Variants in LPA observed in about 807,000 individuals in gnomAD.
LPA encodes apolipoprotein(a).
Under a neutral mutation model 197.9 loss-of-function variants are expected in LPA, and 199 were observed. The observed-to-expected ratio is 1.01, with a 90% CI of 0.90 to 1.13. The LOEUF (loss-of-function observed/expected upper bound fraction) is 1.13, where lower values mean the gene tolerates loss of function less well. Among genes scored for constraint, LPA ranks in the 50% most tolerant of loss-of-function variants. LPA has a pLI of 0.00. For missense variants in LPA, 1,853 were observed against 1,785.8 expected (o/e 1.04, Z -0.68); for synonymous variants, 715 against 639.5 (o/e 1.12, Z -1.78).
intron 7 of LPA, among the ~76,000 whole-genome samples, chr6:160,634,804 G>T (rs1317792764): frequency 6.6e-6 from 1 of 150,464 alleles, no homozygotes; most frequent in East Asian, 1.9e-4. Flanking sequence ...GCGACAGAAA[G>T]AATCACACAC....
chr6:160,598,712 C>A (rs1779178116), intron 20 of LPA, among the ~76,000 whole-genome samples: 2 of 152,188 alleles, frequency 1.3e-5, no homozygotes, highest in Admixed American at 1.3e-4. Context: ...TCTGGGCAGA[C>A]CGTATCTCTT....
intron 20 of LPA, among the ~76,000 whole-genome samples, chr6:160,598,557 G>T (rs1207793928): frequency 6.6e-6 from 1 of 152,172 alleles, no homozygotes; most frequent in African/African-American, 2.4e-5. Flanking sequence ...AAACCGTTTT[G>T]CCGTGTCTTT....
chr6:160,608,842 T>TGTGA (rs1491162599), intron 16 of LPA, among the ~76,000 whole-genome samples: 1 of 151,250 alleles, frequency 6.6e-6, no homozygotes, highest in Non-Finnish European at 1.5e-5. Flanking sequence ...TGTGTGTGTG[T>TGTGA]GAACTTGTGA....
chr6:160,663,593 T>C (rs964245227), intron 1 of LPA, among the ~76,000 whole-genome samples: 2 of 152,212 alleles, frequency 1.3e-5, no homozygotes, highest in Non-Finnish European at 2.9e-5. Context: ...CCTGAGTATT[T>C]GTTGAATCAT....
Position 160,531,953 on chromosome 6 carries a change from C to T in LPA, c.5962-63G>A, listed in dbSNP as rs1289371513. 13 of 1,547,170 alleles carry T rather than the reference C, an allele frequency of 8.4e-6. No individual in the cohort carries two copies. The East Asian group carries it at 9.0e-5, about 11-fold the overall frequency. ...GCTGCCAACCTTTTAATATGGGATG[C>T]CATCCTTCTCTTATCCATATGTACA... On this transcript the variant is annotated intron_variant, in intron 38 of 38. Transcript: ENST00000316300.
intron 2 of LPA, among the ~76,000 whole-genome samples, chr6:160,647,219 G>A (rs1336161335): frequency 2.0e-5 from 3 of 152,196 alleles, no homozygotes; most frequent in Non-Finnish European, 4.4e-5. Context: ...ATGGCAGGAA[G>A]ACTAAGAGAT....
chr6:160,605,473 A>G (rs899910090), intron 17 of LPA, among the ~76,000 whole-genome samples: 4 of 152,218 alleles, frequency 2.6e-5, no homozygotes, highest in Admixed American at 2.6e-4. Flanking sequence ...AAGCTTAGAA[A>G]AAAAGGACAA....
chr6:160,578,798 A>G, intron 26 of LPA, 94 bp from the exon 27 acceptor site: 1 of 1,575,274 alleles, frequency 6.3e-7, no homozygotes, highest in Non-Finnish European at 8.7e-7. Flanking sequence ...AAGTGTTAAC[A>G]AGTGCCTTTG....
intron 28 of LPA, among the ~76,000 whole-genome samples, chr6:160,566,725 G>A (rs1030507406): frequency 1.3e-5 from 2 of 152,186 alleles, no homozygotes; most frequent in African/African-American, 2.4e-5. Flanking sequence ...AGATCCATCA[G>A]TGTGCTGTAT....
At position 160,540,148 on chromosome 6, in the gene LPA, C is replaced by T. The variant is rs763417427; in HGVS notation, c.5630G>A (p.Gly1877Asp). 12 of 1,613,912 alleles carry T rather than the reference C, an allele frequency of 7.4e-6. No homozygotes were observed. The highest frequency in any genetic ancestry group is 1.1e-5 in the South Asian group (1 of 91,064). Residue 1877 changes from glycine to aspartate, a missense_variant, in exon 36 of 39, where the codon GGT becomes GAT. By Grantham distance (94) the Gly-to-Asp change is moderately conservative (BLOSUM62 -1). Transcript: ENST00000316300. The stretch of plus-strand genomic sequence containing the variant: ...TTCGAGGTTCACTTCTTGGTGTGCA[C>T]CCAGGATGACCTTGTAGGATGAAGG... ...SRPSSYKVIL[G>D]AHQEVNLESH...
chr6:160,606,714 C>T (rs1235290711), intron 16 of LPA, 56 bp from the exon 17 acceptor site: 17 of 1,590,032 alleles, frequency 1.1e-5, no homozygotes, highest in Non-Finnish European at 4.3e-6. Context: ...GCAGGGGCAC[C>T]CCACACCCTC....
intron 29 of LPA, 129 bp from the exon 30 acceptor site, chr6:160,556,313 A>G (rs371533954): frequency 1.2e-6 from 1 of 807,212 alleles, no homozygotes. Flanking sequence ...AAGCAGAAGG[A>G]CATGCTGAAG....
chr6:160,573,182 C>A (rs1353177906), intron 28 of LPA, among the ~76,000 whole-genome samples: 2 of 152,004 alleles, frequency 1.3e-5, no homozygotes, highest in Admixed American at 1.3e-4. Context: ...AAGTCCTTGT[C>A]TTTGAGCTCT....
At chr6:160,567,907 A>T (rs995471980) in intron 28 of LPA, among the ~76,000 whole-genome samples, 1 of 152,216 alleles carries the variant, frequency 6.6e-6, no homozygotes, top group African/African-American at 2.4e-5. Context: ...GAAATGGAAA[A>T]ATTCCTGGAC....
rs553278576 is a variant in LPA at position 160,611,489 on chromosome 6, C to T, written c.2603+73G>A. 5.2e-4 allele frequency: 826 copies of T among 1,589,510 alleles called. 9 individuals are homozygous for T. Among genetic ancestry groups the T allele is most frequent in the Middle Eastern group, 1.6e-3 (7 of 4,500 alleles). On this transcript the variant is annotated intron_variant, in intron 16 of 38. Transcript: ENST00000316300. ...CACAAGTTGAGTTCGGAGAACTCAG[C>T]TTGAAGCATGTCTCTTGTCACAGAA...
At chr6:160,569,485 G>C (rs1778523539) in intron 28 of LPA, among the ~76,000 whole-genome samples, 1 of 150,204 alleles carries the variant, frequency 6.7e-6, no homozygotes, top group African/African-American at 2.4e-5. Flanking sequence ...ATTAATTCAA[G>C]ATGGATTAAA....
At chr6:160,568,533 C>G (rs905903116) in intron 28 of LPA, among the ~76,000 whole-genome samples, 5 of 152,160 alleles carry the variant, frequency 3.3e-5, no homozygotes, top group African/African-American at 9.7e-5. Flanking sequence ...CAATATCATA[C>G]TGAATGGGCA....
intron 28 of LPA, among the ~76,000 whole-genome samples, chr6:160,567,044 G>A (rs549308574): frequency 9.2e-5 from 14 of 152,224 alleles, no homozygotes; most frequent in African/African-American, 3.4e-4. Context: ...CAATAATAAT[G>A]GGAGACTTTA....
Position 160,585,034 on chromosome 6 carries a change from T to A in LPA, c.4289+12A>T. 1 of 1,613,484 alleles carries A rather than the reference T, an allele frequency of 6.2e-7. No homozygotes were observed. The highest frequency in any genetic ancestry group is 8.5e-7 in the Non-Finnish European group (1 of 1,179,572). ...ACTATTGTTCCTTTTATGGCTAACA[T>A]GATAGACATACGCATTTGGATAGTA... On this transcript the variant is annotated intron_variant, in intron 26 of 38. Coordinates refer to ENST00000316300, the MANE Select transcript of LPA (RefSeq NM_005577.4).
Sources: allele counts gnomAD v4.1 joint callset (sites outside exome capture counted in the v4.1 genomes callset), GRCh38; gene constraint gnomAD v4.1.1; transcripts MANE v1.5; gene names NCBI Gene and HGNC (gene_info 2026-07-23, HGNC 2026-07-21).